Variants in TGFA observed in about 807,000 individuals in gnomAD.
TGFA encodes protransforming growth factor alpha.
A neutral mutation model predicts 21.7 loss-of-function variants in TGFA; 12 were observed. That is an observed-to-expected ratio of 0.55 (90% CI 0.35 to 0.90). TGFA has a LOEUF of 0.90. Among genes scored for constraint, TGFA ranks in the 40% least tolerant of loss-of-function variants. TGFA has a pLI of 0.01. For synonymous variants in TGFA, 79 were observed against 88.1 expected (o/e 0.90, Z 0.58); for missense variants, 178 against 210.8 (o/e 0.84, Z 0.96).
In TGFA at chr2:70,450,596, A is replaced by G; in HGVS notation, c.*263T>C. ...CTGCACACACCTCACCTAGGTGAACAGGAGTCCGTCTCTTTGCAGTTCTTT... is the reference window on the plus strand; with the variant it reads ...CTGCACACACCTCACCTAGGTGAACGGGAGTCCGTCTCTTTGCAGTTCTTT... On this transcript the variant is annotated 3_prime_UTR_variant, in exon 6 of 6. Coordinates refer to ENST00000295400, the MANE Select transcript of TGFA (RefSeq NM_003236.4). 2.0e-6 allele frequency: 1 copy of G among 500,656 alleles called. No individual in the cohort carries two copies. The highest frequency in any genetic ancestry group is 3.6e-6 in the Non-Finnish European group (1 of 275,566). The allele number at this position is 500,656 out of a possible 1,614,324, so 31.0% of individuals were successfully genotyped here. A position where few individuals can be genotyped will look rare whatever the true frequency, so the allele number is the denominator to read the frequency against.
At chr2:70,492,427 C>A (rs765614908) in intron 2 of TGFA, among the ~76,000 whole-genome samples, 1 of 152,142 alleles carries the variant, frequency 6.6e-6, no homozygotes, top group Non-Finnish European at 1.5e-5. Flanking sequence ...CCAGTGTGGA[C>A]AAGATGAGTG....
chr2:70,550,455 A>T (rs1488649843), intron 1 of TGFA, among the ~76,000 whole-genome samples: 1 of 151,938 alleles, frequency 6.6e-6, no homozygotes, highest in East Asian at 1.9e-4. Flanking sequence ...TTTGCATAAA[A>T]AATTAAATAA....
intron 2 of TGFA, among the ~76,000 whole-genome samples, chr2:70,473,054 C>G (rs1172076400): frequency 6.6e-6 from 1 of 152,082 alleles, no homozygotes; most frequent in African/African-American, 2.4e-5. Flanking sequence ...GGGAAGCTGG[C>G]GGGGGGTATA....
At chr2:70,519,423 C>CA (rs1672383444) in intron 1 of TGFA, among the ~76,000 whole-genome samples, 1 of 152,150 alleles carries the variant, frequency 6.6e-6, no homozygotes, top group African/African-American at 2.4e-5. Flanking sequence ...AACTGCGTAG[C>CA]AAAAATCACT....
intron 2 of TGFA, among the ~76,000 whole-genome samples, chr2:70,470,082 GGAA>G (rs1209717922): frequency 2.0e-5 from 3 of 152,140 alleles, no homozygotes; most frequent in Admixed American, 6.5e-5. Context: ...GACATAAAAA[GGAA>G]GAAGGAGGGA....
rs1559097403 is a variant in TGFA, at chr2:70,456,379, CGAT to C, written c.322_324del (p.Ile108del). Reference sequence around the variant, plus strand: ...GTGATGATAAGGACAGCCAGGGCCACGATGGAGACCACCACCAAGGCGGTGATG... The same window carrying C: ...GTGATGATAAGGACAGCCAGGGCCACGGAGACCACCACCAAGGCGGTGATG... On this transcript the variant is annotated inframe_deletion, in exon 4 of 6. Transcript: ENST00000295400. The C allele has an allele frequency of 6.4e-7, 1 of 1,572,908 alleles. No homozygotes were observed. The highest frequency in any genetic ancestry group is 1.8e-5 in the Admixed American group (1 of 54,398).
intron 1 of TGFA, among the ~76,000 whole-genome samples, chr2:70,537,662 GT>G (rs1422613815): frequency 6.6e-6 from 1 of 152,204 alleles, no homozygotes; most frequent in Non-Finnish European, 1.5e-5. Flanking sequence ...TAAGCCCCTA[GT>G]TCTTTGATTC....
chr2:70,487,733 T>C (rs1262769322), intron 2 of TGFA, among the ~76,000 whole-genome samples: 2 of 152,236 alleles, frequency 1.3e-5, no homozygotes, highest in African/African-American at 2.4e-5. Flanking sequence ...TCTCCTCTTA[T>C]TGGGCATTGT....
intron 2 of TGFA, among the ~76,000 whole-genome samples, chr2:70,492,729 A>G (rs1671470430): frequency 6.6e-6 from 1 of 152,216 alleles, no homozygotes; most frequent in South Asian, 2.1e-4. Flanking sequence ...CTTTAACTTC[A>G]AAACCCAGGT....
intron 3 of TGFA, among the ~76,000 whole-genome samples, chr2:70,458,826 C>G (rs373251062): frequency 7.2e-5 from 11 of 152,354 alleles, no homozygotes; most frequent in East Asian, 1.9e-4. Flanking sequence ...TCTTCTCTGA[C>G]CAGCTTCACT....
intron 5 of TGFA, chr2:70,451,849 T>A (rs1670070200): frequency 6.0e-6 from 4 of 667,494 alleles, no homozygotes; most frequent in African/African-American, 1.8e-5. Flanking sequence ...AAGCAGGCTG[T>A]CATCAGACTC....
intron 2 of TGFA, among the ~76,000 whole-genome samples, chr2:70,481,830 T>G (rs1553495587): frequency 1.3e-5 from 2 of 152,102 alleles, no homozygotes; most frequent in African/African-American, 4.8e-5. Context: ...AACAATAGCT[T>G]GTAAGTGAGC....
intron 2 of TGFA, among the ~76,000 whole-genome samples, chr2:70,496,018 T>A (rs1671564111): frequency 6.6e-6 from 1 of 152,190 alleles, no homozygotes; most frequent in Non-Finnish European, 1.5e-5. Context: ...GTGATTTATC[T>A]CTTTTCCAAC....
intron 2 of TGFA, among the ~76,000 whole-genome samples, chr2:70,504,465 C>CATATATATATATATATATAT (rs1559124076): frequency 1.6e-5 from 1 of 62,548 alleles, no homozygotes; most frequent in Admixed American, 1.5e-4. Context: ...TATATATATA[C>CATATATATATATATATATAT]ACACATACAT....
In TGFA at chr2:70,523,506, C is replaced by T. The variant is rs925368956; in HGVS notation, c.41-8594G>A. Among the ~76,000 whole-genome samples the T allele has an allele frequency of 6.6e-5, 10 of 152,208 alleles. 1 individual carries two copies. Among genetic ancestry groups the T allele is most frequent in the South Asian group, 2.1e-4 (1 of 4,836 alleles). On this transcript the variant is annotated intron_variant, in intron 1 of 5. Transcript: ENST00000295400. ...AGTCCGGGTCTCTTACAAACACTAA[C>T]TCCTTCTCTTCTGCGTAGAAAAGCC...
At chr2:70,551,925 G>T (rs2103964315) in intron 1 of TGFA, among the ~76,000 whole-genome samples, 1 of 152,292 alleles carries the variant, frequency 6.6e-6, no homozygotes, top group Middle Eastern at 3.4e-3. Flanking sequence ...GGGGTGTAGG[G>T]ACAGCTTTCA....
At chr2:70,472,483 G>A (rs1670783612) in intron 2 of TGFA, among the ~76,000 whole-genome samples, 1 of 152,168 alleles carries the variant, frequency 6.6e-6, no homozygotes, top group African/African-American at 2.4e-5. Context: ...AGAGACCACA[G>A]ACCCACTAAC....
At chr2:70,553,474 T>G in intron 1 of TGFA, 1 of 1,404,686 alleles carries the variant, frequency 7.1e-7, no homozygotes, top group Non-Finnish European at 9.2e-7. Flanking sequence ...ACACTCCGCT[T>G]CCCCTTCCCA....
At chr2:70,527,883 A>G (rs1553503139) in intron 1 of TGFA, among the ~76,000 whole-genome samples, 1 of 152,192 alleles carries the variant, frequency 6.6e-6, no homozygotes, top group Non-Finnish European at 1.5e-5. Flanking sequence ...CCCTAGGTTC[A>G]AGTACAACGT....
Sources: allele counts gnomAD v4.1 joint callset (sites outside exome capture counted in the v4.1 genomes callset), GRCh38; gene constraint gnomAD v4.1.1; transcripts MANE v1.5; gene names NCBI Gene and HGNC (gene_info 2026-07-23, HGNC 2026-07-21).